Variants in PRKN observed in about 807,000 individuals in gnomAD.
PRKN encodes the protein E3 ubiquitin-protein ligase parkin.
Under a neutral mutation model 59.5 loss-of-function variants are expected in PRKN, and 56 were observed. The ratio of observed to expected loss-of-function variants is 0.94; its 90% CI spans 0.76 to 1.18. The LOEUF is 1.18. Among genes scored for constraint, PRKN ranks in the 50% most tolerant of loss-of-function variants. PRKN has a pLI of 0.00. For missense variants in PRKN, 657 were observed against 596.4 expected (o/e 1.10, Z -1.06); for synonymous variants, 250 against 222.1 (o/e 1.13, Z -1.12).
At chr6:161,830,412 G>C (rs190907803) in intron 6 of PRKN, among the ~76,000 whole-genome samples, 223 of 152,096 alleles carry the variant, frequency 1.5e-3, no homozygotes, top group African/African-American at 5.0e-3. Context: ...CCACCATGCC[G>C]AGCTAATTTT....
intron 4 of PRKN, among the ~76,000 whole-genome samples, chr6:162,180,013 T>TGTGTGTGTGG (rs1783729458): frequency 6.7e-6 from 1 of 149,914 alleles, no homozygotes. Flanking sequence ...TGTGTATGTG[T>TGTGTGTGTGG]GTAGCAAAGT....
intron 3 of PRKN, among the ~76,000 whole-genome samples, chr6:162,225,986 A>G (rs1186970593): frequency 2.7e-5 from 4 of 147,936 alleles, no homozygotes; most frequent in Non-Finnish European, 6.0e-5. Context: ...ATATGTATAT[A>G]CAAATGGAAA....
At chr6:161,733,458 C>T (rs937321249) in intron 7 of PRKN, among the ~76,000 whole-genome samples, 1 of 152,080 alleles carries the variant, frequency 6.6e-6, no homozygotes, top group African/African-American at 2.4e-5. Context: ...CAACTGCATT[C>T]GCATTTCTTG....
rs548745492 is a variant in PRKN at position 162,708,259 on chromosome 6, CTG to C, written c.7+19401_7+19402del. On this transcript the variant is annotated intron_variant, in intron 1 of 11. Transcript: ENST00000366898. ...TGTTGATGATAAAAATATCTGAAAA[CTG>C]TATGAGAAACCACATAGACATATAT... Among the ~76,000 whole-genome samples the C allele has an allele frequency of 2.6e-5, 4 of 152,268 alleles. No individual in the cohort carries two copies. In the South Asian group the frequency reaches 8.3e-4, roughly 32 times the overall value.
At chr6:162,608,198 A>G (rs973352911) in intron 1 of PRKN, among the ~76,000 whole-genome samples, 4 of 152,238 alleles carry the variant, frequency 2.6e-5, no homozygotes, top group Non-Finnish European at 5.9e-5. Context: ...CAGGTGGAGA[A>G]AAGAAAAAGG....
chr6:162,649,382 T>C (rs1778327764), intron 1 of PRKN, among the ~76,000 whole-genome samples: 1 of 152,194 alleles, frequency 6.6e-6, no homozygotes. Flanking sequence ...AATAGGATAC[T>C]GGTAATGATT....
chr6:162,654,475 A>T (rs570207330), intron 1 of PRKN, among the ~76,000 whole-genome samples: 137 of 152,342 alleles, frequency 9.0e-4, no homozygotes, highest in African/African-American at 3.2e-3. Flanking sequence ...TGCCACACAC[A>T]TTCAACTGGC....
chr6:162,696,814 G>A (rs1777988642), intron 1 of PRKN, among the ~76,000 whole-genome samples: 1 of 151,970 alleles, frequency 6.6e-6, no homozygotes, highest in Non-Finnish European at 1.5e-5. Flanking sequence ...CCAAGGTGTT[G>A]GGACTAGAGG....
At chr6:161,519,032 T>A (rs1189469182) in intron 9 of PRKN, among the ~76,000 whole-genome samples, 6 of 152,234 alleles carry the variant, frequency 3.9e-5, no homozygotes, top group Admixed American at 3.9e-4. Context: ...TAGACATTTA[T>A]AGCGCAATGT....
chr6:161,582,371 G>A lies in PRKN; in HGVS notation c.872-12955C>T, dbSNP rs1161927162. Among the ~76,000 whole-genome samples the A allele has an allele frequency of 2.0e-5, 3 of 152,024 alleles. No individual in the cohort carries two copies. The highest frequency in any genetic ancestry group is 3.9e-4 in the East Asian group (2 of 5,166). On this transcript the variant is annotated intron_variant, in intron 7 of 11. Coordinates refer to ENST00000366898, the MANE Select transcript of PRKN (RefSeq NM_004562.3). The surrounding 1 kb of genome is among the most constrained non-coding windows in gnomAD (Gnocchi z 4.4). ...AGATCTATACATTACAATGTTGGGC[G>A]CAGCAGATATAATCTGAACTAGGAA...
In PRKN at chr6:161,466,249, A is replaced by G. The variant is rs1562467339; in HGVS notation, c.1084-79372T>C. ...TCATTGATACTTACCTCTTCTGCTC[A>G]GTCTTCTGTTAACCTGTTGAATGAT... On this transcript the variant is annotated intron_variant, in intron 9 of 11. Transcript: ENST00000366898. This position sits in a 1 kb window ranked among gnomAD's most constrained non-coding sequence, Gnocchi z 5.0. Among the ~76,000 whole-genome samples, 2 of 152,234 alleles carry G rather than the reference A, an allele frequency of 1.3e-5. No individual in the cohort carries two copies. The highest frequency in any genetic ancestry group is 2.9e-5 in the Non-Finnish European group (2 of 68,040).
chr6:161,843,421 T>A (rs1793071079), intron 6 of PRKN, among the ~76,000 whole-genome samples: 2 of 152,244 alleles, frequency 1.3e-5, no homozygotes, highest in African/African-American at 4.8e-5. Context: ...CATTTGTTCT[T>A]ATTTTTATTC....
intron 4 of PRKN, among the ~76,000 whole-genome samples, chr6:162,180,429 A>AC (rs1190481674): frequency 1.3e-5 from 2 of 150,096 alleles, no homozygotes; most frequent in East Asian, 3.9e-4. Context: ...CCTCCTATGT[A>AC]CCCACAAAAA....
chr6:162,306,564 G>T (rs1782236732), intron 2 of PRKN, among the ~76,000 whole-genome samples: 1 of 152,152 alleles, frequency 6.6e-6, no homozygotes, highest in Non-Finnish European at 1.5e-5. Flanking sequence ...TGTGTGAATT[G>T]TGTGAAAATT....
intron 1 of PRKN, among the ~76,000 whole-genome samples, chr6:162,703,946 T>A (rs1283189786): frequency 1.3e-5 from 2 of 152,178 alleles, no homozygotes; most frequent in Admixed American, 6.6e-5. Flanking sequence ...ATGACAGAGA[T>A]GAGGCCCTTC....
At chr6:162,010,495 T>C (rs1431566171) in intron 5 of PRKN, among the ~76,000 whole-genome samples, 636 of 51,342 alleles carry the variant, frequency 0.012, 12 homozygotes, top group Non-Finnish European at 0.017. Context: ...ATAATATATA[T>C]TATATAATAT....
Position 161,581,422 on chromosome 6 carries a change from C to G in PRKN, c.872-12006G>C, listed in dbSNP as rs1781335145. On this transcript the variant is annotated intron_variant, in intron 7 of 11. Transcript: ENST00000366898. This position sits in a 1 kb window ranked among gnomAD's most constrained non-coding sequence, Gnocchi z 4.5. ...GACTTTAAAAATGTCAATTAACTAC[C>G]ATGCCCAATAAGTACATAAGCAAAA... 6.6e-6 allele frequency among the ~76,000 whole-genome samples: 1 copy of G among 152,130 alleles called. No individual in the cohort carries two copies. Among genetic ancestry groups the G allele is most frequent in the Non-Finnish European group, 1.5e-5 (1 of 68,040 alleles).
At chr6:161,779,008 C>T (rs1053653799) in intron 7 of PRKN, among the ~76,000 whole-genome samples, 7 of 152,044 alleles carry the variant, frequency 4.6e-5, no homozygotes, top group Admixed American at 3.3e-4. Context: ...GCAATGATCT[C>T]GGCTCACTGC....
intron 6 of PRKN, among the ~76,000 whole-genome samples, chr6:161,957,528 G>T (rs1005629364): frequency 6.6e-6 from 1 of 150,948 alleles, no homozygotes; most frequent in African/African-American, 2.4e-5. Flanking sequence ...GCGTTCAAGC[G>T]ATCCTCCTGC....
Sources: gnomAD v4.1 joint callset for allele counts (sites outside exome capture counted in the v4.1 genomes callset) on GRCh38, gnomAD v4.1.1 for gene constraint, Gnocchi (gnomAD v3.1) non-coding constraint, MANE v1.5 for transcripts, NCBI Gene and HGNC (gene_info 2026-07-23, HGNC 2026-07-21) for gene names.